Variants in LARP4B observed in about 807,000 individuals in gnomAD.
The protein encoded by LARP4B is La ribonucleoprotein 4B, also known as la-related protein 4B.
LARP4B carries 12 observed loss-of-function variants against 89.8 expected under a neutral mutation model. The observed-to-expected ratio is 0.13, with a 90% CI of 0.09 to 0.22. The LOEUF (loss-of-function observed/expected upper bound fraction) is 0.22. Ranked by LOEUF, LARP4B falls within the 10% of genes least tolerant of loss-of-function variation. The probability of loss-of-function intolerance (pLI) is 1.00; values close to 1 mark genes in which losing one functional copy is unlikely to be tolerated. For synonymous variants in LARP4B, 367 were observed against 363.3 expected (o/e 1.01, Z -0.12); for missense variants, 757 against 947.7 (o/e 0.80, Z 2.64).
At chr10:947,804 G>A in the LARP4B span, among the ~76,000 whole-genome samples, 1 of 152,008 alleles carries the variant, frequency 6.6e-6, no homozygotes, top group Non-Finnish European at 1.5e-5. Flanking sequence ...TTGTATTTTA[G>A]TAGAGACAGG....
intron 2 of LARP4B, 136 bp from the exon 3 acceptor site, chr10:884,642 G>T: frequency 1.6e-6 from 1 of 608,784 alleles, no homozygotes; most frequent in Non-Finnish European, 2.9e-6. Flanking sequence ...GAATTCATAA[G>T]ATATTCAGAA....
In LARP4B at chr10:833,658, G is replaced by A. The variant is rs143472910; in HGVS notation, c.751-2681C>T. 5.4e-3 allele frequency among the ~76,000 whole-genome samples: 818 copies of A among 152,252 alleles called. 5 individuals carry two copies. The highest frequency in any genetic ancestry group is 0.018 in the African/African-American group (761 of 41,550). On this transcript the variant is annotated intron_variant, in intron 8 of 17. Coordinates refer to ENST00000316157, the MANE Select transcript of LARP4B (RefSeq NM_015155.3). Reference sequence around the variant, plus strand: ...TGTAATCCCAGCACTTTGGGAGGCCGAGGAGGACGGATCACGAGGTCAAAA... The same window carrying A: ...TGTAATCCCAGCACTTTGGGAGGCCAAGGAGGACGGATCACGAGGTCAAAA...
At chr10:920,756 A>AGTGAGACCCT in intron 1 of LARP4B, among the ~76,000 whole-genome samples, 1 of 151,878 alleles carries the variant, frequency 6.6e-6, no homozygotes, top group East Asian at 1.9e-4. Flanking sequence ...TGGGGGACAA[A>AGTGAGACCCT]GTGAGACTCT....
At chr10:916,139 G>A (rs944359172) in intron 1 of LARP4B, among the ~76,000 whole-genome samples, 2 of 152,102 alleles carry the variant, frequency 1.3e-5, no homozygotes, top group South Asian at 2.1e-4. Flanking sequence ...GTGTTCCAAC[G>A]TTACATGAGA....
chr10:954,389 T>C, the LARP4B span, among the ~76,000 whole-genome samples: 1 of 151,636 alleles, frequency 6.6e-6, no homozygotes, highest in East Asian at 1.9e-4. This position sits in a 1 kb window ranked among gnomAD's most constrained non-coding sequence, Gnocchi z 5.0. Context: ...AAACAACCAG[T>C]AGGAAAGAAG....
chr10:845,453 C>T (rs1286655587), intron 5 of LARP4B, among the ~76,000 whole-genome samples: 4 of 152,106 alleles, frequency 2.6e-5, no homozygotes, highest in Non-Finnish European at 5.9e-5. Flanking sequence ...ACAAAGATAA[C>T]CAGCAAAAAA....
chr10:920,943 A>C (rs905568401), intron 1 of LARP4B, among the ~76,000 whole-genome samples: 20 of 152,166 alleles, frequency 1.3e-4, no homozygotes, highest in African/African-American at 4.6e-4. Context: ...TTTACAATAA[A>C]TTTACCTAAC....
intron 1 of LARP4B, among the ~76,000 whole-genome samples, chr10:922,012 T>A (rs1836993340): frequency 6.6e-6 from 1 of 152,094 alleles, no homozygotes; most frequent in Admixed American, 6.5e-5. Context: ...CGGTAACCAA[T>A]CTTTTTTGGC....
chr10:959,439 C>T, the LARP4B span, among the ~76,000 whole-genome samples: 47 of 97,130 alleles, frequency 4.8e-4, no homozygotes, highest in African/African-American at 1.4e-3. Context: ...ATCCACCTCC[C>T]CATCAATCCA....
At position 931,674 on chromosome 10, in the gene LARP4B, C is replaced by G. The variant is rs1295256252; in HGVS notation, c.-286G>C. 6.6e-6 allele frequency: 1 copy of G among 152,156 alleles called. No homozygotes were observed. Among genetic ancestry groups the G allele is most frequent in the Non-Finnish European group, 1.5e-5 (1 of 67,982 alleles). The allele number at this position is 152,156 out of a possible 1,614,324, so 9.4% of individuals were successfully genotyped here. ...ACCCCGGGACTCCAGATCCCCAACGCTCCTTCCCGTTCGCATGAGAACACA... is the reference window on the plus strand; with the variant it reads ...ACCCCGGGACTCCAGATCCCCAACGGTCCTTCCCGTTCGCATGAGAACACA... On this transcript the variant is annotated 5_prime_UTR_variant, in exon 1 of 18. Transcript: ENST00000316157.
rs1831710493 is a variant in LARP4B at position 810,643 on chromosome 10, G to C, written c.*2283C>G. 1 of 152,258 alleles carries C rather than the reference G, an allele frequency of 6.6e-6. No homozygotes were observed. The highest frequency in any genetic ancestry group is 1.9e-4 in the East Asian group (1 of 5,204). 9.4% of individuals were successfully genotyped at this position (152,258 alleles called of 1,614,324 possible). A position where few individuals can be genotyped will look rare whatever the true frequency, so the allele number is the denominator to read the frequency against. ...AAAACCAAGGACTCACTGGCGGACG[G>C]GCAGGCCTTGTGTTTTGGGAATGGC... is the stretch of plus-strand genomic sequence containing the variant. On this transcript the variant is annotated 3_prime_UTR_variant, in exon 18 of 18. Transcript: ENST00000316157.
rs566963467 is a variant in LARP4B, at chr10:815,313, C to G, written c.1696-243G>C. On this transcript the variant is annotated intron_variant, in intron 15 of 17. Transcript: ENST00000316157. ...TACATCACAGGCCCTTATCTCCTCT[C>G]CCGCAATGATGATCTACAAGCTTAT... The G allele has an allele frequency of 8.8e-5, 30 of 340,880 alleles. 1 individual carries two copies. In the South Asian group the frequency reaches 2.7e-3, roughly 31 times the overall value. The allele number at this position is 340,880 out of a possible 1,614,324, so 21.1% of individuals were successfully genotyped here. A position where few individuals can be genotyped will look rare whatever the true frequency, so the allele number is the denominator to read the frequency against.
At chr10:971,474 A>C in the LARP4B span, 8 of 152,214 alleles carry the variant, frequency 5.3e-5, no homozygotes, top group South Asian at 1.7e-3. Flanking sequence ...AGGAAAAAAC[A>C]TTTTCCTCAA....
chr10:836,863 C>T (rs952739208), intron 7 of LARP4B, among the ~76,000 whole-genome samples: 2 of 152,214 alleles, frequency 1.3e-5, no homozygotes, highest in Non-Finnish European at 2.9e-5. Context: ...ATGATCATCC[C>T]TCACCTAACG....
At chr10:878,737 G>C (rs1268568227) in intron 3 of LARP4B, among the ~76,000 whole-genome samples, 1 of 152,210 alleles carries the variant, frequency 6.6e-6, no homozygotes, top group South Asian at 2.1e-4. Flanking sequence ...CTTCCTCCCA[G>C]TGATGTGACT....
intron 3 of LARP4B, among the ~76,000 whole-genome samples, chr10:880,727 A>G (rs1835636961): frequency 6.6e-6 from 1 of 152,140 alleles, no homozygotes; most frequent in Non-Finnish European, 1.5e-5. Context: ...GTTTTGCTGA[A>G]TTGTACATAG....
intron 7 of LARP4B, among the ~76,000 whole-genome samples, chr10:841,269 G>C (rs936010534): frequency 3.9e-5 from 6 of 152,164 alleles, no homozygotes; most frequent in African/African-American, 1.4e-4. Flanking sequence ...TACAATGAAT[G>C]CAATAACTTG....
chr10:881,643 G>A (rs374916131), intron 3 of LARP4B, among the ~76,000 whole-genome samples: 9 of 152,146 alleles, frequency 5.9e-5, no homozygotes, highest in East Asian at 5.8e-4. Context: ...CTATTGGTAC[G>A]ATATACTTCA....
chr10:956,253 G>A, the LARP4B span, among the ~76,000 whole-genome samples: 43 of 152,156 alleles, frequency 2.8e-4, no homozygotes, highest in Non-Finnish European at 5.7e-4. The surrounding 1 kb of genome is among the most constrained non-coding windows in gnomAD (Gnocchi z 4.3). Context: ...ACACAGTTAC[G>A]TTATGGGAGT....
Sources: gnomAD v4.1 joint callset for allele counts (sites outside exome capture counted in the v4.1 genomes callset) on GRCh38, gnomAD v4.1.1 for gene constraint, Gnocchi (gnomAD v3.1) non-coding constraint, MANE v1.5 for transcripts, NCBI Gene and HGNC (gene_info 2026-07-23, HGNC 2026-07-21) for gene names.